Variants in CEP192 observed in about 807,000 individuals in gnomAD.
The protein encoded by CEP192 is centrosomal protein 192.
CEP192 carries 151 observed loss-of-function variants against 271.8 expected under a neutral mutation model. That is an observed-to-expected ratio of 0.56 (90% CI 0.49 to 0.64). The LOEUF is 0.64. Among genes scored for constraint, CEP192 ranks in the 30% least tolerant of loss-of-function variants. The pLI, the probability that CEP192 is intolerant of heterozygous loss-of-function variation, is 0.00. For missense variants in CEP192, 2,910 were observed against 3,020.5 expected (o/e 0.96, Z 0.86); for synonymous variants, 995 against 1,076.5 (o/e 0.92, Z 1.48).
At chr18:13,112,459 G>A (rs571424555) in intron 40 of CEP192, among the ~76,000 whole-genome samples, 1 of 152,316 alleles carries the variant, frequency 6.6e-6, no homozygotes, top group African/African-American at 2.4e-5. Flanking sequence ...CTTTCCAGGG[G>A]ATTAGCTGAG....
chr18:13,011,993 G>A (rs534448445), intron 4 of CEP192, among the ~76,000 whole-genome samples: 21 of 152,354 alleles, frequency 1.4e-4, no homozygotes, highest in African/African-American at 4.6e-4. Context: ...GTACTGATAC[G>A]TGCTTTAATA....
intron 1 of CEP192, among the ~76,000 whole-genome samples, chr18:12,996,593 A>G (rs1322965378): frequency 6.6e-6 from 1 of 152,096 alleles, no homozygotes; most frequent in Non-Finnish European, 1.5e-5. Context: ...AGTTGATGGA[A>G]GAAGTTGAAG....
In CEP192 at chr18:13,033,744, T is replaced by C. The variant is rs1346770150; in HGVS notation, c.1534+3136T>C. Among the ~76,000 whole-genome samples the C allele has an allele frequency of 2.0e-5, 3 of 152,226 alleles. No homozygotes were observed. The East Asian group carries it at 5.8e-4, about 29-fold the overall frequency. ...TATACAGAATGGTAAAGGAGCTCTT[T>C]AGTTACTCAAATGGAATGATCACTG... On this transcript the variant is annotated intron_variant, in intron 11 of 44. Coordinates refer to ENST00000506447, the MANE Select transcript of CEP192 (RefSeq NM_032142.4).
intron 30 of CEP192, among the ~76,000 whole-genome samples, chr18:13,079,867 TTCCCAGCACCATTTATTAAATAGGGAA>T (rs1324905259): frequency 5.3e-5 from 8 of 152,232 alleles, no homozygotes; most frequent in African/African-American, 1.9e-4. Context: ...CTAGCCAGTT[TTCCCAGCACCATTTATTAAATAGGGAA>T]TCCTTTCCCC....
chr18:12,998,608 C>T (rs923695832), intron 1 of CEP192, among the ~76,000 whole-genome samples: 2 of 152,182 alleles, frequency 1.3e-5, no homozygotes, highest in African/African-American at 4.8e-5. Context: ...TAAATAAACT[C>T]TCTCATCCCA....
chr18:13,053,618 G>C (rs2036922981), intron 18 of CEP192, among the ~76,000 whole-genome samples: 1 of 152,196 alleles, frequency 6.6e-6, no homozygotes, highest in South Asian at 2.1e-4. Context: ...AAACCGGGAA[G>C]GGTGCTGGGT....
rs368253741 is a variant in CEP192 at position 13,119,307 on chromosome 18, A to G, written c.7475+1664A>G. On this transcript the variant is annotated intron_variant, in intron 44 of 44. Coordinates refer to ENST00000506447, the MANE Select transcript of CEP192 (RefSeq NM_032142.4). ...GCTTCCTCAGATTGGTTCACATCCCACATCTTCACCAGCTTTTTGCAGGGT... is the reference window on the plus strand; with the variant it reads ...GCTTCCTCAGATTGGTTCACATCCCGCATCTTCACCAGCTTTTTGCAGGGT... Among the ~76,000 whole-genome samples the G allele has an allele frequency of 3.3e-5, 5 of 152,342 alleles. No individual in the cohort carries two copies. In the East Asian group the frequency reaches 7.7e-4, roughly 23 times the overall value.
At chr18:13,081,250 G>A (rs1422084670) in intron 30 of CEP192, among the ~76,000 whole-genome samples, 1 of 152,160 alleles carries the variant, frequency 6.6e-6, no homozygotes, top group African/African-American at 2.4e-5. Flanking sequence ...GTAGAATTCA[G>A]CTGTGAATCC....
At chr18:13,075,397 C>T (rs1298108689) in intron 30 of CEP192, among the ~76,000 whole-genome samples, 2 of 152,178 alleles carry the variant, frequency 1.3e-5, no homozygotes, top group Non-Finnish European at 2.9e-5. Context: ...GAAACCCCAT[C>T]TCTACTAAAC....
chr18:13,077,781 A>T (rs563442781), intron 30 of CEP192, among the ~76,000 whole-genome samples: 1 of 152,326 alleles, frequency 6.6e-6, no homozygotes, highest in Non-Finnish European at 1.5e-5. Context: ...TTTCCCCAAA[A>T]ACATTTTATT....
intron 30 of CEP192, among the ~76,000 whole-genome samples, chr18:13,074,968 T>C (rs550315935): frequency 3.9e-5 from 6 of 152,378 alleles, no homozygotes; most frequent in African/African-American, 1.4e-4. Flanking sequence ...TAAAAATGTA[T>C]TGATTATTCC....
intron 30 of CEP192, among the ~76,000 whole-genome samples, chr18:13,077,528 A>T (rs557972285): frequency 3.1e-4 from 47 of 152,306 alleles, no homozygotes; most frequent in South Asian, 1.9e-3. Flanking sequence ...AGCAGGGTGA[A>T]TATTTTCCTT....
At chr18:13,004,072 G>A (rs1183219478) in intron 3 of CEP192, among the ~76,000 whole-genome samples, 1 of 152,168 alleles carries the variant, frequency 6.6e-6, no homozygotes, top group Non-Finnish European at 1.5e-5. Context: ...ATAAAATGAG[G>A]GCAAAGAATT....
chr18:13,055,356 C>T (rs1023079119), intron 18 of CEP192, among the ~76,000 whole-genome samples: 4 of 152,054 alleles, frequency 2.6e-5, no homozygotes, highest in African/African-American at 9.7e-5. Flanking sequence ...GGGGTGGGGC[C>T]CTGCCAGCCT....
chr18:13,050,207 T>C (rs914088402), intron 17 of CEP192, among the ~76,000 whole-genome samples: 12 of 152,196 alleles, frequency 7.9e-5, no homozygotes, highest in African/African-American at 2.9e-4. Flanking sequence ...ATAAATGATA[T>C]TGGGATGAAT....
chr18:12,998,980 C>T (rs566870267), intron 1 of CEP192, among the ~76,000 whole-genome samples: 2 of 152,160 alleles, frequency 1.3e-5, no homozygotes, highest in South Asian at 2.1e-4. Context: ...CACTGAGATC[C>T]GGGCTAGATT....
Position 13,116,505 on chromosome 18 carries a change from T to C in CEP192, c.7416+2T>C. The C allele has an allele frequency of 6.3e-7, 1 of 1,595,490 alleles. No homozygotes were observed. The highest frequency in any genetic ancestry group is 8.5e-7 in the Non-Finnish European group (1 of 1,173,636). ...AATAATTCTTTTATTACACACTCAG[T>C]AAGTTGGAAATATTACTATGGGTTT... On this transcript the variant is annotated splice_donor_variant, in intron 43 of 44. Coordinates refer to ENST00000506447, the MANE Select transcript of CEP192 (RefSeq NM_032142.4). LOFTEE classifies it high-confidence loss of function.
chr18:13,046,225 A>C (rs915459607), intron 15 of CEP192, among the ~76,000 whole-genome samples: 24 of 152,144 alleles, frequency 1.6e-4, no homozygotes, highest in African/African-American at 4.8e-4. Context: ...CACACACTTC[A>C]AACAACCAGG....
chr18:13,080,137 T>C (rs1357446498), intron 30 of CEP192, among the ~76,000 whole-genome samples: 4 of 152,192 alleles, frequency 2.6e-5, no homozygotes, highest in Admixed American at 1.3e-4. Flanking sequence ...TTTGGTTCCA[T>C]ATGAACTTTA....
Sources: allele counts gnomAD v4.1 joint callset (sites outside exome capture counted in the v4.1 genomes callset), GRCh38; gene constraint gnomAD v4.1.1; transcripts MANE v1.5; gene names NCBI Gene and HGNC (gene_info 2026-07-23, HGNC 2026-07-21).